CHIA: variants seen among roughly 807,000 people sequenced by gnomAD.
CHIA encodes acidic mammalian chitinase.
A neutral mutation model predicts 53.5 loss-of-function variants in CHIA; 47 were observed. The ratio of observed to expected loss-of-function variants is 0.88; its 90% CI spans 0.70 to 1.12. CHIA has a LOEUF of 1.12. Among genes scored for constraint, CHIA ranks in the 50% most tolerant of loss-of-function variants. The pLI is 0.00. For missense variants in CHIA, 652 were observed against 592.2 expected (o/e 1.10, Z -1.05); for synonymous variants, 268 against 222.2 (o/e 1.21, Z -1.83).
chr1:111,299,624 C>A (rs1647533209), intron 1 of CHIA, among the ~76,000 whole-genome samples: 1 of 152,146 alleles, frequency 6.6e-6, no homozygotes, highest in Non-Finnish European at 1.5e-5. Context: ...AAACCCACAG[C>A]CAATATCACA....
At chr1:111,311,790 C>A in intron 3 of CHIA, 72 bp downstream of exon 3, 1 of 1,511,458 alleles carries the variant, frequency 6.6e-7, no homozygotes. Context: ...GAAAGAGAGC[C>A]GCTGTTTGCT....
intron 8 of CHIA, 133 bp from the exon 9 acceptor site, chr1:111,318,360 A>T (rs1038235916): frequency 2.7e-5 from 24 of 903,020 alleles, no homozygotes; most frequent in Admixed American, 2.6e-4. Flanking sequence ...CTTCACCAAA[A>T]TGTTTTGAAA....
intron 1 of CHIA, among the ~76,000 whole-genome samples, chr1:111,306,427 G>C (rs1648191573): frequency 6.6e-6 from 1 of 152,092 alleles, no homozygotes; most frequent in Non-Finnish European, 1.5e-5. Context: ...ATTGGATCAA[G>C]TCTATGCACT....
At chr1:111,311,624 T>G (rs1264726392) in intron 2 of CHIA, 65 bp from the exon 3 acceptor site, 42 of 1,576,392 alleles carry the variant, frequency 2.7e-5, no homozygotes, top group Non-Finnish European at 3.6e-5. Flanking sequence ...AATCAATCCT[T>G]CAGAATTAGA....
intron 4 of CHIA, among the ~76,000 whole-genome samples, chr1:111,313,409 A>G (rs2101641691): frequency 6.6e-6 from 1 of 152,240 alleles, no homozygotes; most frequent in East Asian, 1.9e-4. Flanking sequence ...AGTGATGTTG[A>G]GCATTTTTTA....
chr1:111,308,879 G>A (rs934927310), intron 1 of CHIA, among the ~76,000 whole-genome samples: 1 of 152,052 alleles, frequency 6.6e-6, no homozygotes, highest in African/African-American at 2.4e-5. Context: ...TCTTAGAGTT[G>A]GTTTTGATTG....
chr1:111,306,231 C>A (rs1014369609), intron 1 of CHIA, among the ~76,000 whole-genome samples: 5 of 151,952 alleles, frequency 3.3e-5, no homozygotes, highest in African/African-American at 4.8e-5. Flanking sequence ...AAAATGAAAG[C>A]GTAAAAGGCC....
At chr1:111,300,687 C>A (rs992490952) in intron 1 of CHIA, among the ~76,000 whole-genome samples, 2 of 152,116 alleles carry the variant, frequency 1.3e-5, no homozygotes, top group Non-Finnish European at 2.9e-5. Context: ...GACTTCATGA[C>A]TAAAACACCA....
At chr1:111,319,946 T>C (rs1435653106) in intron 11 of CHIA, among the ~76,000 whole-genome samples, 1 of 152,214 alleles carries the variant, frequency 6.6e-6, no homozygotes, top group East Asian at 1.9e-4. Context: ...TTTGCATACA[T>C]TTGGTGGTTA....
At position 111,312,381 on chromosome 1, in the gene CHIA, C is replaced by A. The variant is rs1648762323; in HGVS notation, c.247C>A (p.Leu83Met). The change falls in exon 4 of 12, where the codon CTG becomes ATG. Residue 83 changes from leucine (L) to methionine (M), a missense_variant. Physicochemically the swap from Leu to Met is conservative, Grantham distance 15 (BLOSUM62 2). Coordinates refer to ENST00000369740, the MANE Select transcript of CHIA (RefSeq NM_201653.4). The stretch of plus-strand genomic sequence containing the variant: ...GACTCTCTACCAAGCTTTCAATGGC[C>A]TGAAAAATAAGTAGGATGAGGGAGA... ...DVTLYQAFNG[L>M]KNKNSQLKTL... 3 of 1,613,512 alleles carry A rather than the reference C, an allele frequency of 1.9e-6. No homozygotes were observed. The East Asian group carries it at 6.7e-5, about 36-fold the overall frequency.
intron 1 of CHIA, among the ~76,000 whole-genome samples, chr1:111,295,630 A>G (rs1661290882): frequency 1.0e-5 from 1 of 98,618 alleles, no homozygotes. Flanking sequence ...TACCGGGTTC[A>G]TCTCATTGGG....
intron 4 of CHIA, among the ~76,000 whole-genome samples, chr1:111,312,978 G>A (rs532599070): frequency 6.6e-6 from 1 of 152,220 alleles, no homozygotes; most frequent in South Asian, 2.1e-4. Flanking sequence ...CAAATGACAG[G>A]ATTTCTGCCT....
chr1:111,312,475 C>A, intron 4 of CHIA, 84 bp downstream of exon 4: 1 of 1,143,508 alleles, frequency 8.7e-7, no homozygotes, highest in Non-Finnish European at 1.3e-6. Context: ...TAGTTCAGAT[C>A]CATGGATCTG....
Position 111,319,344 on chromosome 1 carries a change from C to A in CHIA, c.1053C>A (p.His351Gln). Reference sequence around the variant, plus strand: ...TTAAACAGGCTCAATGGCTTAAGCACAACAAATTTGGAGGCGCCATGGTCT... The same window carrying A: ...TTAAACAGGCTCAATGGCTTAAGCAAAACAAATTTGGAGGCGCCATGGTCT... ...SFDIKAQWLK[H>Q]NKFGGAMVWA... is the part of the protein sequence containing the mutation. Residue 351 changes from histidine (H) to glutamine (Q), a missense_variant, in exon 11 of 12, where the codon CAC becomes CAA. By Grantham distance (24) the His-to-Gln change is conservative. Transcript: ENST00000369740. 6.2e-7 allele frequency: 1 copy of A among 1,614,196 alleles called. No homozygotes were observed. Among genetic ancestry groups the A allele is most frequent in the Non-Finnish European group, 8.5e-7 (1 of 1,180,032 alleles).
intron 1 of CHIA, among the ~76,000 whole-genome samples, chr1:111,292,441 T>C (rs1661081858): frequency 6.6e-6 from 1 of 152,230 alleles, no homozygotes. Context: ...GAGAATGCTC[T>C]CTGCAATTGA....
At chr1:111,307,628 T>C (rs1648288096) in intron 1 of CHIA, among the ~76,000 whole-genome samples, 1 of 151,710 alleles carries the variant, frequency 6.6e-6, no homozygotes, top group African/African-American at 2.4e-5. Context: ...GGAGAAAAGG[T>C]TTTCATTTTT....
Position 111,318,579 on chromosome 1 carries a change from C to T in CHIA, c.816C>T (p.Ile272=), listed in dbSNP as rs139093708. The part of the protein sequence containing the change: ...VGFPTYGHNF[I]LSNPSNTGIG... ...TCCCTACCTATGGACACAACTTCAT[C>T]CTGAGCAACCCCTCCAACACTGGAA... Residue 272 remains isoleucine, a synonymous_variant, in exon 9 of 12, where the codon ATC becomes ATT. Coordinates refer to ENST00000369740, the MANE Select transcript of CHIA (RefSeq NM_201653.4). 1.9e-6 allele frequency: 3 copies of T among 1,614,210 alleles called. No individual in the cohort carries two copies. Among genetic ancestry groups the T allele is most frequent in the East Asian group, 4.5e-5 (2 of 44,872 alleles).
At chr1:111,307,924 G>A (rs899179926) in intron 1 of CHIA, among the ~76,000 whole-genome samples, 3 of 152,294 alleles carry the variant, frequency 2.0e-5, no homozygotes, top group Non-Finnish European at 2.9e-5. Context: ...TTACAGGTGT[G>A]AGCCACCAGG....
intron 4 of CHIA, 72 bp downstream of exon 4, chr1:111,312,463 T>G (rs1648769104): frequency 3.2e-6 from 4 of 1,248,164 alleles, no homozygotes; most frequent in Admixed American, 1.7e-5. Flanking sequence ...CTTCTTAAAA[T>G]GTAGTTCAGA....
Sources: gnomAD v4.1 joint callset for allele counts (sites outside exome capture counted in the v4.1 genomes callset) on GRCh38, gnomAD v4.1.1 for gene constraint, MANE v1.5 for transcripts, NCBI Gene and HGNC (gene_info 2026-07-23, HGNC 2026-07-21) for gene names.